SMAD3: variants seen among roughly 807,000 people sequenced by gnomAD.
SMAD3 encodes the protein MAD homolog 3.
Under a neutral mutation model 51.8 loss-of-function variants are expected in SMAD3, and 12 were observed. That is an observed-to-expected ratio of 0.23 (90% confidence interval 0.15 to 0.38). The LOEUF is 0.38. Ranked by LOEUF, SMAD3 falls within the 10% of genes least tolerant of loss-of-function variation. The pLI is 1.00. For missense variants in SMAD3, 294 were observed against 565.6 expected (o/e 0.52, Z 4.87); for synonymous variants, 238 against 227.7 (o/e 1.05, Z -0.41).
At chr15:67,138,350 CCT>C in intron 1 of SMAD3, 3 of 469,870 alleles carry the variant, frequency 6.4e-6, no homozygotes, top group East Asian at 7.3e-5. Flanking sequence ...CTGAACCCCC[CCT>C]CCCCCGGCCC....
chr15:67,164,447 C>G (rs1250645126), intron 1 of SMAD3, among the ~76,000 whole-genome samples: 1 of 151,212 alleles, frequency 6.6e-6, no homozygotes, highest in Non-Finnish European at 1.5e-5. Flanking sequence ...TGTCACTCTT[C>G]TTTGGATCAC....
intron 6 of SMAD3, 111 bp from the exon 7 acceptor site, chr15:67,184,616 A>G (rs1337777896): frequency 3.7e-6 from 5 of 1,346,360 alleles, no homozygotes; most frequent in Non-Finnish European, 5.3e-6. Context: ...GGAAGCTGGC[A>G]GTCACTGGGA....
intron 1 of SMAD3, among the ~76,000 whole-genome samples, chr15:67,071,982 T>C (rs4776879): frequency 6.6e-6 from 1 of 151,850 alleles, no homozygotes; most frequent in Non-Finnish European, 1.5e-5. Context: ...GTATATTTTT[T>C]AAAAAGTCTT....
Position 67,164,981 on chromosome 15 carries a change from A to G in SMAD3, c.293A>G (p.His98Arg). The G allele has an allele frequency of 6.2e-7, 1 of 1,614,058 alleles. No homozygotes were observed. The highest frequency in any genetic ancestry group is 8.5e-7 in the Non-Finnish European group (1 of 1,180,022). ...CGCCTGTGGCGATGGCCAGACCTGC[A>G]CAGCCACCACGAGCTACGGGCCATG... ...YCRLWRWPDLHSHHELRAMEL... is the reference protein window; with the variant it reads ...YCRLWRWPDLRSHHELRAMEL... Residue 98 changes from histidine (H) to arginine (R), a missense_variant, in exon 2 of 9, where the codon CAC (histidine) becomes CGC (arginine). His to Arg is a conservative substitution (Grantham distance 29). Transcript: ENST00000327367.
chr15:67,172,251 C>G (rs1962773719), intron 5 of SMAD3, among the ~76,000 whole-genome samples: 1 of 152,222 alleles, frequency 6.6e-6, no homozygotes, highest in Admixed American at 6.5e-5. Flanking sequence ...GTTGAGAATT[C>G]TTAGGTTATT....
chr15:67,090,176 C>T (rs1224822666), intron 1 of SMAD3, among the ~76,000 whole-genome samples: 5 of 152,196 alleles, frequency 3.3e-5, no homozygotes, highest in African/African-American at 1.2e-4. Context: ...CAGGGCTTCC[C>T]ATTTTGCAGG....
chr15:67,138,110 C>T (rs772189996), intron 1 of SMAD3: 2 of 1,548,612 alleles, frequency 1.3e-6, no homozygotes, highest in South Asian at 1.2e-5. Context: ...GGTAGGAGCC[C>T]CGTGCCGGGA....
intron 1 of SMAD3, among the ~76,000 whole-genome samples, chr15:67,095,469 G>A (rs1005493213): frequency 1.3e-5 from 2 of 152,116 alleles, no homozygotes; most frequent in African/African-American, 2.4e-5. Flanking sequence ...TCATGGGCAC[G>A]TGACGAGTAC....
At chr15:67,091,718 C>G (rs770794903) in intron 1 of SMAD3, among the ~76,000 whole-genome samples, 6 of 152,128 alleles carry the variant, frequency 3.9e-5, no homozygotes, top group Non-Finnish European at 8.8e-5. Context: ...ATAAGTTTAC[C>G]AAGCTCTCAA....
chr15:67,111,481 T>C (rs1197174108), intron 1 of SMAD3, among the ~76,000 whole-genome samples: 1 of 152,218 alleles, frequency 6.6e-6, no homozygotes, highest in Non-Finnish European at 1.5e-5. Flanking sequence ...TGTGGAAATG[T>C]GTTTTCATTT....
Position 67,193,626 on chromosome 15 carries a change from A to G in SMAD3, c.*3090A>G, listed in dbSNP as rs1283567816. ...GTCAGGAGCAGGGACTTTGACTCTTAGGAAGAGCACACATGAGGGCAAGGC... is the reference window on the plus strand; with the variant it reads ...GTCAGGAGCAGGGACTTTGACTCTTGGGAAGAGCACACATGAGGGCAAGGC... On this transcript the variant is annotated 3_prime_UTR_variant, in exon 9 of 9. Transcript: ENST00000327367. The G allele has an allele frequency of 2.1e-5, 5 of 233,330 alleles. No individual in the cohort carries two copies. The highest frequency in any genetic ancestry group is 2.5e-5 in the Non-Finnish European group (3 of 117,916). 14.5% of individuals were successfully genotyped at this position (233,330 alleles called of 1,614,324 possible).
chr15:67,180,874 T>G (rs922024525), intron 5 of SMAD3, among the ~76,000 whole-genome samples: 1 of 152,172 alleles, frequency 6.6e-6, no homozygotes, highest in Non-Finnish European at 1.5e-5. Context: ...ATCCAGGTAC[T>G]GGGTGGCCCC....
At chr15:67,170,633 A>T in intron 5 of SMAD3, 29 bp downstream of exon 5, 1 of 1,604,110 alleles carries the variant, frequency 6.2e-7, no homozygotes, top group Admixed American at 1.7e-5. Flanking sequence ...ACACAACTGG[A>T]ACCCCCTCTA....
chr15:67,144,800 T>C (rs758820237), intron 1 of SMAD3, among the ~76,000 whole-genome samples: 4 of 152,204 alleles, frequency 2.6e-5, no homozygotes, highest in Admixed American at 6.5e-5. Context: ...TTTTGCACAA[T>C]GTCACAGCAG....
intron 1 of SMAD3, among the ~76,000 whole-genome samples, chr15:67,123,248 C>T (rs1961309728): frequency 1.3e-5 from 2 of 150,266 alleles, no homozygotes; most frequent in South Asian, 2.1e-4. Context: ...GTAATCCCAG[C>T]ACTTTGGGAG....
intron 1 of SMAD3, among the ~76,000 whole-genome samples, chr15:67,075,880 A>T (rs1213892173): frequency 6.6e-6 from 1 of 150,820 alleles, no homozygotes; most frequent in South Asian, 2.1e-4. Flanking sequence ...GCACCATTGT[A>T]CTCCAGCCTG....
chr15:67,177,878 G>T (rs1322482091), intron 5 of SMAD3, among the ~76,000 whole-genome samples: 3 of 152,156 alleles, frequency 2.0e-5, no homozygotes, highest in Non-Finnish European at 4.4e-5. Context: ...AGAAAGGAGG[G>T]AAATCACGGC....
intron 1 of SMAD3, among the ~76,000 whole-genome samples, chr15:67,074,706 T>C (rs1172089712): frequency 6.6e-6 from 1 of 152,240 alleles, no homozygotes; most frequent in Non-Finnish European, 1.5e-5. Flanking sequence ...TTTTTGTTTT[T>C]TGAGACGGAG....
intron 1 of SMAD3, among the ~76,000 whole-genome samples, chr15:67,137,747 C>G (rs1051955391): frequency 6.6e-6 from 1 of 152,172 alleles, no homozygotes; most frequent in Admixed American, 6.5e-5. Flanking sequence ...TGGGGTGCAT[C>G]ATTTCTCTCA....
Sources: gnomAD v4.1 joint callset for allele counts (sites outside exome capture counted in the v4.1 genomes callset) on GRCh38, gnomAD v4.1.1 for gene constraint, MANE v1.5 for transcripts, NCBI Gene and HGNC (gene_info 2026-07-23, HGNC 2026-07-21) for gene names.